Variants in CDH7 observed in about 807,000 individuals in gnomAD.
CDH7 encodes cadherin 7.
CDH7 carries 25 observed loss-of-function variants against 71.8 expected under a neutral mutation model. That is an observed-to-expected ratio of 0.35 (90% CI 0.25 to 0.49). The LOEUF (loss-of-function observed/expected upper bound fraction) is 0.49, where lower values mean the gene tolerates loss of function less well. CDH7 is among the 20% of genes least tolerant of loss of function. The pLI, the probability that CDH7 is intolerant of heterozygous loss-of-function variation, is 0.99. For synonymous variants in CDH7, 381 were observed against 363.8 expected, an observed-to-expected ratio of 1.05 and a Z score of -0.54; for missense variants, 862 against 974.6, an observed-to-expected ratio of 0.88 and a Z score of 1.54.
At chr18:65,865,909 C>G (rs907837966) in intron 11 of CDH7, 1 of 152,026 alleles carries the variant, frequency 6.6e-6, no homozygotes, top group Non-Finnish European at 1.5e-5. Context: ...ATTTGTAACT[C>G]AAACCTTTTA....
intron 2 of CDH7, among the ~76,000 whole-genome samples, chr18:65,769,677 A>G (rs1916484426): frequency 1.3e-5 from 2 of 152,016 alleles, no homozygotes; most frequent in Non-Finnish European, 1.5e-5. Context: ...GTTTCCTTAT[A>G]TTTTCCAGTC....
chr18:65,823,656 A>C (rs1358160248), intron 5 of CDH7, among the ~76,000 whole-genome samples: 1 of 151,972 alleles, frequency 6.6e-6, no homozygotes, highest in African/African-American at 2.4e-5. Context: ...TTAAAAAACA[A>C]ACAGTAACTA....
intron 2 of CDH7, among the ~76,000 whole-genome samples, chr18:65,775,585 T>G (rs1030236262): frequency 1.3e-5 from 2 of 152,204 alleles, no homozygotes; most frequent in Non-Finnish European, 2.9e-5. Context: ...TTTGTCTTCC[T>G]TGGACCACGT....
chr18:65,862,615 G>C (rs1913605997), intron 10 of CDH7, 51 bp from the exon 11 acceptor site: 2 of 1,576,694 alleles, frequency 1.3e-6, no homozygotes, highest in Non-Finnish European at 8.7e-7. Flanking sequence ...AGTTTGGGAA[G>C]ACTGATTCCA....
intron 11 of CDH7, among the ~76,000 whole-genome samples, chr18:65,869,476 T>G (rs1408030924): frequency 6.6e-6 from 1 of 152,000 alleles, no homozygotes; most frequent in African/African-American, 2.4e-5. Context: ...ATCTGTTGCT[T>G]TTTCTAAGAC....
intron 7 of CDH7, among the ~76,000 whole-genome samples, chr18:65,845,929 T>C (rs1912919883): frequency 6.6e-6 from 1 of 151,998 alleles, no homozygotes; most frequent in Non-Finnish European, 1.5e-5. Context: ...GTGAGACCCC[T>C]GTCTCTAAAA....
chr18:65,850,777 A>G (rs1225407454), intron 7 of CDH7, among the ~76,000 whole-genome samples: 1 of 151,602 alleles, frequency 6.6e-6, no homozygotes, highest in Non-Finnish European at 1.5e-5. Context: ...GGTGTCTGCT[A>G]TCATTAAGCT....
Position 65,781,938 on chromosome 18 carries a change from C to CTCTT in CDH7, c.210+18889_210+18890insTTCT, listed in dbSNP as rs1435196988. 2.2e-4 allele frequency among the ~76,000 whole-genome samples: 12 copies of CTCTT among 53,348 alleles called. 1 individual carries two copies. Among genetic ancestry groups the CTCTT allele is most frequent in the African/African-American group, 1.3e-3 (7 of 5,484 alleles). The allele number at this position is 53,348 out of a possible 152,430, so 35.0% of individuals were successfully genotyped here. A position where few individuals can be genotyped will look rare whatever the true frequency, so the allele number is the denominator to read the frequency against. The stretch of plus-strand genomic sequence containing the variant: ...TTTCTCTCTTTCTCTCTCTCTCTCT[C>CTCTT]TCTCTCTTTCTCTCTTTCTCTCTTT... On this transcript the variant is annotated intron_variant, in intron 2 of 11. Transcript: ENST00000397968.
intron 6 of CDH7, among the ~76,000 whole-genome samples, chr18:65,834,812 T>G (rs1205289739): frequency 6.6e-6 from 1 of 152,198 alleles, no homozygotes; most frequent in African/African-American, 2.4e-5. Flanking sequence ...AAGTTTATTT[T>G]GGTTCATTTT....
In CDH7 at chr18:65,883,064, G is replaced by A. The variant is rs1375588349; in HGVS notation, c.*2170G>A. The A allele has an allele frequency of 6.6e-6, 1 of 151,962 alleles. No individual in the cohort carries two copies. The highest frequency in any genetic ancestry group is 1.9e-4 in the East Asian group (1 of 5,176). 9.4% of individuals were successfully genotyped at this position (151,962 alleles called of 1,614,324 possible). A position where few individuals can be genotyped will look rare whatever the true frequency, so the allele number is the denominator to read the frequency against. On this transcript the variant is annotated 3_prime_UTR_variant, in exon 12 of 12. Coordinates refer to ENST00000397968, the MANE Select transcript of CDH7 (RefSeq NM_004361.5). Reference sequence around the variant, plus strand: ...CCTGCTTTTTCTGCTTTTAAAATGTGTGTTTTTTCTCATTAATTTTTTCAA... The same window carrying A: ...CCTGCTTTTTCTGCTTTTAAAATGTATGTTTTTTCTCATTAATTTTTTCAA...
intron 2 of CDH7, among the ~76,000 whole-genome samples, chr18:65,770,182 T>G (rs994501917): frequency 6.6e-6 from 1 of 152,156 alleles, no homozygotes. Context: ...TACATCAATT[T>G]AAGATGTCAA....
intron 11 of CDH7, chr18:65,863,374 G>T: frequency 6.1e-6 from 1 of 164,226 alleles, no homozygotes; most frequent in African/African-American, 2.4e-5. Context: ...TACAATTGTT[G>T]GCCACACTTT....
intron 2 of CDH7, among the ~76,000 whole-genome samples, chr18:65,768,364 A>G (rs368804955): frequency 2.0e-5 from 3 of 152,062 alleles, no homozygotes; most frequent in Admixed American, 6.5e-5. Context: ...CCTCCCCAGT[A>G]TCTGGGACTA....
intron 6 of CDH7, among the ~76,000 whole-genome samples, chr18:65,841,719 CA>C (rs1169304604): frequency 6.6e-6 from 1 of 152,060 alleles, no homozygotes; most frequent in Admixed American, 6.6e-5. Flanking sequence ...GGATTTGCTT[CA>C]GAATCACTTG....
At position 65,889,129 on chromosome 18, in the gene CDH7, G is replaced by C. The variant is rs1482431212; in HGVS notation, c.*8235G>C. On this transcript the variant is annotated 3_prime_UTR_variant, in exon 12 of 12. Coordinates refer to ENST00000397968, the MANE Select transcript of CDH7 (RefSeq NM_004361.5). ...CGTCTCTGAGGTGGGACATTGTTGT[G>C]AGAATGGACGAGAGCACAAAAACAC... 5 of 152,112 alleles carry C rather than the reference G, an allele frequency of 3.3e-5. No homozygotes were observed. Among genetic ancestry groups the C allele is most frequent in the Non-Finnish European group, 5.9e-5 (4 of 68,034 alleles). 9.4% of individuals were successfully genotyped at this position (152,112 alleles called of 1,614,324 possible).
At chr18:65,772,955 A>G (rs546524117) in intron 2 of CDH7, among the ~76,000 whole-genome samples, 2 of 152,202 alleles carry the variant, frequency 1.3e-5, no homozygotes, top group South Asian at 4.1e-4. Flanking sequence ...ATATATGTAT[A>G]TTTTTCTCAG....
intron 3 of CDH7, among the ~76,000 whole-genome samples, chr18:65,811,736 G>C (rs1053496171): frequency 6.6e-6 from 1 of 152,084 alleles, no homozygotes; most frequent in African/African-American, 2.4e-5. Flanking sequence ...CATTTTGGTT[G>C]TTCTTCATTG....
At position 65,883,310 on chromosome 18, in the gene CDH7, T is replaced by G. The variant is rs1336992314; in HGVS notation, c.*2416T>G. ...ATATAGGTAGTATTTATATGAAGTA[T>G]TCTAAGCTTAATTGTAATAGTAGTA... On this transcript the variant is annotated 3_prime_UTR_variant, in exon 12 of 12. Coordinates refer to ENST00000397968, the MANE Select transcript of CDH7 (RefSeq NM_004361.5). The G allele has an allele frequency of 6.6e-6, 1 of 151,992 alleles. No homozygotes were observed. The allele number at this position is 151,992 out of a possible 1,614,324, so 9.4% of individuals were successfully genotyped here.
intron 2 of CDH7, among the ~76,000 whole-genome samples, chr18:65,782,103 C>CTTTCT (rs1568182482): frequency 3.2e-5 from 1 of 30,998 alleles, no homozygotes. Flanking sequence ...TCCTTCCTTC[C>CTTTCT]TTCCTTCTTT....
Sources: allele counts gnomAD v4.1 joint callset (sites outside exome capture counted in the v4.1 genomes callset), GRCh38; gene constraint gnomAD v4.1.1; transcripts MANE v1.5; gene names NCBI Gene and HGNC (gene_info 2026-07-23, HGNC 2026-07-21).